The following CD44 variants were observed in gnomAD, a reference collection of about 807,000 sequenced individuals.
CD44 encodes the protein CD44 molecule (IN blood group).
In CD44, 49 loss-of-function variants were observed where a neutral mutation model predicts 88.8. The observed-to-expected ratio is 0.55, with a 90% CI of 0.44 to 0.70. The LOEUF is 0.70. CD44 is among the 30% of genes least tolerant of loss of function. CD44 has a pLI of 0.00. For missense variants in CD44, 883 were observed against 913.8 expected (o/e 0.97, Z 0.43); for synonymous variants, 325 against 312.3 (o/e 1.04, Z -0.43).
intron 1 of CD44, among the ~76,000 whole-genome samples, chr11:35,164,143 C>T (rs1444027000): frequency 6.6e-6 from 1 of 151,880 alleles, no homozygotes; most frequent in Non-Finnish European, 1.5e-5. Context: ...CATCCATTAC[C>T]CCACCATTCA....
chr11:35,193,214 C>T (rs1377527545), intron 5 of CD44, among the ~76,000 whole-genome samples: 1 of 152,136 alleles, frequency 6.6e-6, no homozygotes, highest in Non-Finnish European at 1.5e-5. Context: ...CTGGGCCACA[C>T]ATAAAATACA....
chr11:35,163,582 G>A (rs1942907319), intron 1 of CD44, among the ~76,000 whole-genome samples: 1 of 152,188 alleles, frequency 6.6e-6, no homozygotes, highest in Non-Finnish European at 1.5e-5. Context: ...TTTTCCTCTT[G>A]CTGTGGTCCC....
Position 35,200,717 on chromosome 11 carries a change from A to T in CD44, c.923-365A>T, listed in dbSNP as rs921026488. On this transcript the variant is annotated intron_variant, in intron 7 of 17. Coordinates refer to ENST00000428726, the MANE Select transcript of CD44 (RefSeq NM_000610.4). ...TAAGTCCCTGGGCTTTCAAGTGCAG[A>T]GGGATACTACAGACTGCATGGATGG... 4 of 200,444 alleles carry T rather than the reference A, an allele frequency of 2.0e-5. No homozygotes were observed. The Admixed American group carries it at 2.1e-4, about 10-fold the overall frequency. The allele number at this position is 200,444 out of a possible 1,614,324, so 12.4% of individuals were successfully genotyped here. A position where few individuals can be genotyped will look rare whatever the true frequency, so the allele number is the denominator to read the frequency against.
At chr11:35,165,228 T>C (rs1279630408) in intron 1 of CD44, among the ~76,000 whole-genome samples, 2 of 152,174 alleles carry the variant, frequency 1.3e-5, no homozygotes, top group Admixed American at 1.3e-4. Context: ...GAAAGAAACA[T>C]CTGAAAACCA....
chr11:35,210,769 T>A (rs1948318607), intron 13 of CD44: 1 of 163,830 alleles, frequency 6.1e-6, no homozygotes, highest in African/African-American at 2.4e-5. Flanking sequence ...TAAAAAGCAG[T>A]CCCTTCTGGA....
chr11:35,211,364 A>G lies in CD44; in HGVS notation c.1725A>G (p.Pro575=), dbSNP rs374795499. 7.9e-5 allele frequency: 128 copies of G among 1,613,930 alleles called. No individual in the cohort carries two copies. The highest frequency in any genetic ancestry group is 1.0e-4 in the Non-Finnish European group (122 of 1,179,926). ...PHTKESRTFI[P]VTSAKTGSFG... is the part of the protein sequence containing the mutation. ...CGAAGGAAAGCAGGACCTTCATCCC[A>G]GTGACCTCAGCTAAGACTGGGTCCT... The change falls in exon 14 of 18, where the codon CCA becomes CCG. Residue 575 remains proline, a synonymous_variant. Coordinates refer to ENST00000428726, the MANE Select transcript of CD44 (RefSeq NM_000610.4).
chr11:35,170,964 G>A (rs1237034510), intron 1 of CD44, among the ~76,000 whole-genome samples: 1 of 152,140 alleles, frequency 6.6e-6, no homozygotes, highest in African/African-American at 2.4e-5. Flanking sequence ...CCCTCTCTGT[G>A]TGTTAGTTTC....
chr11:35,166,623 A>C (rs958659934), intron 1 of CD44, among the ~76,000 whole-genome samples: 3 of 152,208 alleles, frequency 2.0e-5, no homozygotes, highest in African/African-American at 7.2e-5. Flanking sequence ...GTTGACTGCC[A>C]TGACAGGCTC....
intron 17 of CD44, 62 bp from the exon 18 acceptor site, chr11:35,229,067 T>C: frequency 7.6e-7 from 1 of 1,324,370 alleles, no homozygotes; most frequent in Non-Finnish European, 1.1e-6. Context: ...TCAGTAAGGA[T>C]GATGATCTGA....
At chr11:35,196,942 T>C (rs923967813) in intron 6 of CD44, 68 bp downstream of exon 6, 24 of 1,526,018 alleles carry the variant, frequency 1.6e-5, no homozygotes, top group Non-Finnish European at 2.2e-5. Flanking sequence ...GATTGACCTC[T>C]GGGATGTTAT....
chr11:35,216,753 A>T (rs929935450), intron 15 of CD44, among the ~76,000 whole-genome samples: 2 of 152,086 alleles, frequency 1.3e-5, no homozygotes, highest in African/African-American at 4.8e-5. Flanking sequence ...AAACCAAGAG[A>T]CCCCAGCCAC....
At chr11:35,167,601 T>G (rs3794113) in intron 1 of CD44, among the ~76,000 whole-genome samples, 9,628 of 152,234 alleles carry the variant, frequency 0.063, 382 homozygotes, top group South Asian at 0.2. Flanking sequence ...AAATAAAAAA[T>G]TTGGAGAGCT....
In CD44 at chr11:35,204,567, G is replaced by C; in HGVS notation, c.1209G>C (p.Trp403Cys). The change falls in exon 10 of 18, where the codon TGG (tryptophan) becomes TGC (cysteine). Residue 403 changes from tryptophan (W) to cysteine (C), a missense_variant. Trp to Cys is a radical substitution (Grantham distance 215). Coordinates refer to ENST00000428726, the MANE Select transcript of CD44 (RefSeq NM_000610.4). Reference protein sequence around the residue: ...TEETATQKEQWFGNRWHEGYR... With the variant: ...TEETATQKEQCFGNRWHEGYR... ...AAACAGCTACCCAGAAGGAACAGTG[G>C]TTTGGCAACAGATGGCATGAGGGAT... 1.9e-6 allele frequency: 3 copies of C among 1,613,488 alleles called. 1 individual carries two copies. Among genetic ancestry groups the C allele is most frequent in the South Asian group, 2.2e-5 (2 of 91,072 alleles).
chr11:35,214,870 A>G lies in CD44; in HGVS notation c.1829A>G (p.His610Arg). The change falls in exon 15 of 18, where the codon CAC becomes CGC. Residue 610 changes from histidine to arginine, a missense_variant. Physicochemically the swap from His to Arg is conservative, Grantham distance 29 (BLOSUM62 0). Transcript: ENST00000428726. ...ATTACAGGAGACCAAGACACATTCC[A>G]CCCCAGTGGGGGGTCCCATACCACT... ...RSLSGDQDTF[H>R]PSGGSHTTHG... is the part of the protein sequence containing the mutation. 2.6e-6 allele frequency: 4 copies of G among 1,556,810 alleles called. No individual in the cohort carries two copies. The highest frequency in any genetic ancestry group is 1.7e-6 in the Non-Finnish European group (2 of 1,151,422).
intron 14 of CD44, chr11:35,212,521 A>G (rs1948490313): frequency 6.6e-6 from 1 of 151,578 alleles, no homozygotes; most frequent in Non-Finnish European, 1.5e-5. Context: ...CTCAGCCTCC[A>G]TGAGAATCCA....
intron 1 of CD44, among the ~76,000 whole-genome samples, chr11:35,168,596 T>G (rs1490168603): frequency 1.3e-5 from 2 of 152,222 alleles, no homozygotes; most frequent in Admixed American, 6.5e-5. Context: ...AAGCAACTTC[T>G]CCTTACATAT....
intron 17 of CD44, chr11:35,222,375 T>C (rs1218271687): frequency 4.4e-5 from 57 of 1,284,648 alleles, no homozygotes; most frequent in Non-Finnish European, 5.7e-5. Flanking sequence ...GGAACTGTAG[T>C]TGAAGAGATT....
intron 1 of CD44, among the ~76,000 whole-genome samples, chr11:35,148,334 G>A (rs1033060524): frequency 2.6e-5 from 4 of 152,168 alleles, no homozygotes; most frequent in African/African-American, 7.2e-5. Flanking sequence ...CGTCAGCTCC[G>A]CAGCCACCAG....
chr11:35,221,367 C>A (rs1182446850), intron 16 of CD44, among the ~76,000 whole-genome samples: 2 of 152,190 alleles, frequency 1.3e-5, no homozygotes, highest in African/African-American at 4.8e-5. Flanking sequence ...AAGGCATCTA[C>A]AAGATTCAAC....
Sources: allele counts gnomAD v4.1 joint callset (sites outside exome capture counted in the v4.1 genomes callset), GRCh38; gene constraint gnomAD v4.1.1; transcripts MANE v1.5; gene names NCBI Gene and HGNC (gene_info 2026-07-23, HGNC 2026-07-21).